FAIM2: variants seen among roughly 807,000 people sequenced by gnomAD.
The protein encoded by FAIM2 is protein lifeguard 2.
In FAIM2, 27 loss-of-function variants were observed where a neutral mutation model predicts 47.4. That is an observed-to-expected ratio of 0.57 (90% CI 0.42 to 0.78). The LOEUF (loss-of-function observed/expected upper bound fraction) is 0.78. Among genes scored for constraint, FAIM2 ranks in the 30% least tolerant of loss-of-function variants. The pLI is 0.00. For missense variants in FAIM2, 311 were observed against 389.4 expected, an observed-to-expected ratio of 0.80 and a Z score of 1.69; for synonymous variants, 156 against 159.3, an observed-to-expected ratio of 0.98 and a Z score of 0.16.
At chr12:49,903,700 C>T in intron 1 of FAIM2, 78 bp downstream of exon 1, 2 of 1,533,024 alleles carry the variant, frequency 1.3e-6, no homozygotes, top group Non-Finnish European at 1.8e-6. Context: ...CTTTCGTGGT[C>T]CAGAGGGCTT....
intron 11 of FAIM2, among the ~76,000 whole-genome samples, chr12:49,883,847 C>A (rs1366510552): frequency 7.2e-5 from 11 of 152,080 alleles, no homozygotes. Flanking sequence ...GGGAGTCCAG[C>A]AAGATGAGGA....
intron 11 of FAIM2, among the ~76,000 whole-genome samples, chr12:49,877,703 A>G (rs947005876): frequency 8.6e-5 from 5 of 58,076 alleles, no homozygotes; most frequent in South Asian, 5.9e-4. Context: ...TGGTCATGGT[A>G]TGTGTGTGCG....
intron 10 of FAIM2, among the ~76,000 whole-genome samples, chr12:49,887,906 G>A (rs969232897): frequency 6.6e-6 from 1 of 152,184 alleles, no homozygotes; most frequent in Non-Finnish European, 1.5e-5. Flanking sequence ...TCAGGGGTGT[G>A]TTGGGGGGGC....
intron 11 of FAIM2, among the ~76,000 whole-genome samples, chr12:49,881,524 G>T (rs1946825534): frequency 6.6e-6 from 1 of 152,112 alleles, no homozygotes; most frequent in African/African-American, 2.4e-5. Context: ...ATGGGCCCTG[G>T]AGTCTCAGCT....
chr12:49,873,498 G>C (rs1946716316), intron 11 of FAIM2, among the ~76,000 whole-genome samples: 1 of 152,114 alleles, frequency 6.6e-6, no homozygotes, highest in Non-Finnish European at 1.5e-5. Flanking sequence ...GCCAGCATCA[G>C]TTCATAAACT....
chr12:49,891,699 C>T (rs1368545058), intron 5 of FAIM2, among the ~76,000 whole-genome samples: 1 of 152,130 alleles, frequency 6.6e-6, no homozygotes, highest in East Asian at 1.9e-4. Flanking sequence ...TTGGTCTAGC[C>T]TATTAAATTG....
intron 5 of FAIM2, among the ~76,000 whole-genome samples, chr12:49,892,365 C>G (rs1341507161): frequency 6.6e-6 from 1 of 152,166 alleles, no homozygotes; most frequent in Non-Finnish European, 1.5e-5. Flanking sequence ...TTCCCTGGCT[C>G]CAGCTACTGC....
intron 5 of FAIM2, among the ~76,000 whole-genome samples, chr12:49,894,948 C>G (rs1425685327): frequency 2.0e-5 from 3 of 152,122 alleles, no homozygotes; most frequent in African/African-American, 7.2e-5. Context: ...AGGAAGAGAC[C>G]CGGATGGAGT....
At chr12:49,897,914 G>T (rs1275182356) in intron 3 of FAIM2, 73 bp downstream of exon 3, 20 of 1,159,202 alleles carry the variant, frequency 1.7e-5, no homozygotes, top group Non-Finnish European at 2.6e-5. Context: ...CAGGCAGAGG[G>T]TTGGGCCAGG....
rs1047189931 is a variant in FAIM2 at position 49,869,640 on chromosome 12, G to A, written c.*864C>T. The stretch of plus-strand genomic sequence containing the variant: ...CCAATCACACCTCACTCAGCCTTAG[G>A]CCTGTGGCAGCTGCCTGGCGGGTGG... On this transcript the variant is annotated 3_prime_UTR_variant, in exon 12 of 12. Transcript: ENST00000320634. The A allele has an allele frequency of 6.6e-6, 1 of 152,268 alleles. No homozygotes were observed. Among genetic ancestry groups the A allele is most frequent in the African/African-American group, 2.4e-5 (1 of 41,386 alleles). The allele number at this position is 152,268 out of a possible 1,614,324, so 9.4% of individuals were successfully genotyped here. A position where few individuals can be genotyped will look rare whatever the true frequency, so the allele number is the denominator to read the frequency against.
At position 49,882,953 on chromosome 12, in the gene FAIM2, G is replaced by A. The variant is rs118006952; in HGVS notation, c.801+4433C>T. Among the ~76,000 whole-genome samples, 200 of 152,306 alleles carry A rather than the reference G, an allele frequency of 1.3e-3. 5 individuals are homozygous for A. In the East Asian group the frequency reaches 0.035, roughly 26 times the overall value. On this transcript the variant is annotated intron_variant, in intron 11 of 11. Coordinates refer to ENST00000320634, the MANE Select transcript of FAIM2 (RefSeq NM_012306.4). ...TACATAGTGTGTCAGAATGAGATGC[G>A]CTACAGAGAGAGGGAAATAGGGTAG...
rs1406208353 is a variant in FAIM2, at chr12:49,869,113, T to C, written c.*1391A>G. On this transcript the variant is annotated 3_prime_UTR_variant, in exon 12 of 12. Transcript: ENST00000320634. The stretch of plus-strand genomic sequence containing the variant: ...ACAGTAACTTTCCACTGGCCTGGAG[T>C]TGGCCACTGCACATGCTGGCTGCAC... 1.3e-5 allele frequency: 2 copies of C among 152,382 alleles called. No individual in the cohort carries two copies. Among genetic ancestry groups the C allele is most frequent in the East Asian group, 1.9e-4 (1 of 5,174 alleles). 9.4% of individuals were successfully genotyped at this position (152,382 alleles called of 1,614,324 possible).
At chr12:49,880,272 A>G (rs1038273077) in intron 11 of FAIM2, among the ~76,000 whole-genome samples, 22 of 146,922 alleles carry the variant, frequency 1.5e-4, no homozygotes, top group African/African-American at 5.1e-4. Context: ...GCGTATGTGT[A>G]TATGTATGCA....
At position 49,901,164 on chromosome 12, in the gene FAIM2, C is replaced by T. The variant is rs371820713; in HGVS notation, c.177G>A (p.Val59=). Residue 59 remains valine, a synonymous_variant, in exon 2 of 12, where the codon GTG becomes GTA. Coordinates refer to ENST00000320634, the MANE Select transcript of FAIM2 (RefSeq NM_012306.4). The part of the protein sequence containing the change: ...AGAFPPAPTA[V]PLHPSWAYVD... ...CATAGGCCCAGCTAGGGTGGAGAGGCACCGCTGTGGGGGCTGGGGGGAAGG... is the reference window on the plus strand; with the variant it reads ...CATAGGCCCAGCTAGGGTGGAGAGGTACCGCTGTGGGGGCTGGGGGGAAGG... The T allele has an allele frequency of 8.7e-6, 14 of 1,606,048 alleles. No individual in the cohort carries two copies. The highest frequency in any genetic ancestry group is 1.1e-5 in the South Asian group (1 of 89,890).
intron 2 of FAIM2, chr12:49,900,061 C>T (rs567414669): frequency 3.5e-5 from 15 of 427,146 alleles, no homozygotes; most frequent in East Asian, 7.5e-5. Flanking sequence ...CTGCGAAAGC[C>T]CAGGTGGCCA....
intron 11 of FAIM2, among the ~76,000 whole-genome samples, chr12:49,871,809 G>C (rs1448359841): frequency 6.6e-6 from 1 of 152,010 alleles, no homozygotes; most frequent in Non-Finnish European, 1.5e-5. Context: ...TAGGATTACA[G>C]GCATGTGCCA....
intron 8 of FAIM2, among the ~76,000 whole-genome samples, chr12:49,889,909 C>G (rs1946887726): frequency 6.6e-6 from 1 of 152,098 alleles, no homozygotes; most frequent in African/African-American, 2.4e-5. Flanking sequence ...CCTTGCTCCC[C>G]ACCCCCTATC....
intron 11 of FAIM2, among the ~76,000 whole-genome samples, chr12:49,885,454 A>G (rs1946854721): frequency 6.6e-6 from 1 of 152,090 alleles, no homozygotes; most frequent in African/African-American, 2.4e-5. Context: ...TTTCTCTCCT[A>G]GTCCGATTCC....
chr12:49,900,119 T>C, intron 2 of FAIM2: 3 of 989,362 alleles, frequency 3.0e-6, no homozygotes, highest in Non-Finnish European at 2.8e-6. Context: ...CCGGCGGGTG[T>C]GTAGGGAAGG....
Sources: allele counts gnomAD v4.1 joint callset (sites outside exome capture counted in the v4.1 genomes callset), GRCh38; gene constraint gnomAD v4.1.1; transcripts MANE v1.5; gene names NCBI Gene and HGNC (gene_info 2026-07-23, HGNC 2026-07-21).